FBXL13: variants seen among roughly 807,000 people sequenced by gnomAD.
FBXL13 encodes F-box and leucine-rich repeat protein 13.
In FBXL13, 67 loss-of-function variants were observed where a neutral mutation model predicts 83.6. The observed-to-expected ratio is 0.80, with a 90% confidence interval of 0.66 to 0.98. FBXL13 has a LOEUF of 0.98. FBXL13 is among the 50% of genes least tolerant of loss of function. The pLI, the probability that FBXL13 is intolerant of heterozygous loss-of-function variation, is 0.00. For synonymous variants in FBXL13, 272 were observed against 299.5 expected (o/e 0.91, Z 0.95); for missense variants, 822 against 866.5 (o/e 0.95, Z 0.64).
intron 16 of FBXL13, among the ~76,000 whole-genome samples, chr7:102,872,672 A>G (rs1808682538): frequency 6.6e-6 from 1 of 152,240 alleles, no homozygotes; most frequent in African/African-American, 2.4e-5. Flanking sequence ...TCCCACATAC[A>G]TGGAGATATA....
At chr7:102,999,925 A>G (rs1790214678) in intron 6 of FBXL13, among the ~76,000 whole-genome samples, 1 of 151,736 alleles carries the variant, frequency 6.6e-6, no homozygotes, top group Non-Finnish European at 1.5e-5. Flanking sequence ...CCTGTCTTTT[A>G]CTAATTTGGG....
intron 17 of FBXL13, among the ~76,000 whole-genome samples, chr7:102,836,761 A>AGAG (rs2129448495): frequency 6.6e-6 from 1 of 152,334 alleles, no homozygotes; most frequent in African/African-American, 2.4e-5. Context: ...TAGGGTACGT[A>AGAG]GAGGAGACTG....
Position 102,973,588 on chromosome 7 carries a change from A to G in FBXL13, c.496-5471T>C, listed in dbSNP as rs548810536. 13 of 765,710 alleles carry G rather than the reference A, an allele frequency of 1.7e-5. No individual in the cohort carries two copies. The East Asian group carries it at 2.9e-4, about 17-fold the overall frequency. The allele number at this position is 765,710 out of a possible 1,614,324, so 47.4% of individuals were successfully genotyped here. On this transcript the variant is annotated intron_variant, in intron 6 of 19. Transcript: ENST00000313221. Reference sequence around the variant, plus strand: ...CGTGTTGTCTGTTGGCACACTCTCAAGAGTTTGAACGGATACAAGAATCTT... The same window carrying G: ...CGTGTTGTCTGTTGGCACACTCTCAGGAGTTTGAACGGATACAAGAATCTT...
intron 1 of FBXL13, among the ~76,000 whole-genome samples, chr7:103,061,209 T>G (rs938626135): frequency 6.6e-6 from 1 of 151,964 alleles, no homozygotes; most frequent in East Asian, 1.9e-4. Flanking sequence ...TTTTGTTTTT[T>G]GTTAGACTTG....
chr7:103,009,378 G>A (rs572841408), intron 6 of FBXL13, among the ~76,000 whole-genome samples: 2 of 152,278 alleles, frequency 1.3e-5, no homozygotes, highest in Admixed American at 1.3e-4. Context: ...ATGAAGCTGG[G>A]GACCAGCCTG....
At chr7:102,811,236 T>A (rs1797415881), downstream of FBXL13, among the ~76,000 whole-genome samples, 1 of 152,202 alleles carries the variant, frequency 6.6e-6, no homozygotes, top group African/African-American at 2.4e-5. Context: ...CTAATGGAAT[T>A]GTACATATTT....
At chr7:103,040,627 G>T (rs936173102) in intron 2 of FBXL13, among the ~76,000 whole-genome samples, 3 of 152,010 alleles carry the variant, frequency 2.0e-5, no homozygotes, top group Admixed American at 6.6e-5. Context: ...AAACTGTCTC[G>T]CAGACCACAG....
intron 8 of FBXL13, among the ~76,000 whole-genome samples, chr7:102,955,695 G>A (rs1206275426): frequency 6.6e-6 from 1 of 151,642 alleles, no homozygotes; most frequent in Non-Finnish European, 1.5e-5. Flanking sequence ...AAATGATAAA[G>A]GGGATATCAC....
exon 14 of FBXL13, chr7:102,883,309 C>T: frequency 3.1e-6 from 5 of 1,610,864 alleles, no homozygotes; most frequent in South Asian, 2.2e-5. Flanking sequence ...CATTACCTTA[C>T]ACAATTTGCC....
In FBXL13 at chr7:103,059,997, A is replaced by G. The variant is rs114938495; in HGVS notation, c.-104-4250T>C. Reference sequence around the variant, plus strand: ...GTGTCTAGCACAAAATAGGCATTCAACAGATAATGATAGCAAGATATTTTA... The same window carrying G: ...GTGTCTAGCACAAAATAGGCATTCAGCAGATAATGATAGCAAGATATTTTA... On this transcript the variant is annotated intron_variant, in intron 1 of 19. Coordinates refer to ENST00000313221, the Ensembl canonical transcript of FBXL13. Among the ~76,000 whole-genome samples, 985 of 140,490 alleles carry G rather than the reference A, an allele frequency of 7.0e-3. 30 individuals are homozygous for G. The highest frequency in any genetic ancestry group is 0.025 in the African/African-American group (941 of 37,328). The allele number at this position is 140,490 out of a possible 152,430, so 92.2% of individuals were successfully genotyped here. A position where few individuals can be genotyped will look rare whatever the true frequency, so the allele number is the denominator to read the frequency against.
At chr7:102,890,008 G>C (rs1161608647) in intron 11 of FBXL13, among the ~76,000 whole-genome samples, 2 of 151,852 alleles carry the variant, frequency 1.3e-5, no homozygotes, top group Admixed American at 6.6e-5. Context: ...AGTGGGGGGT[G>C]GGGGGTAGGG....
At chr7:102,955,463 C>A (rs1269669090) in intron 8 of FBXL13, among the ~76,000 whole-genome samples, 2 of 151,926 alleles carry the variant, frequency 1.3e-5, no homozygotes, top group Admixed American at 6.6e-5. Context: ...GACACCCTAA[C>A]ATCACAATTA....
At chr7:102,992,179 C>T (rs1829646060) in intron 6 of FBXL13, among the ~76,000 whole-genome samples, 1 of 152,130 alleles carries the variant, frequency 6.6e-6, no homozygotes, top group Non-Finnish European at 1.5e-5. Context: ...AGAAAAAGAA[C>T]AGCTTTATAA....
chr7:102,906,177 T>C (rs1222588845), intron 11 of FBXL13, among the ~76,000 whole-genome samples: 15 of 152,188 alleles, frequency 9.9e-5, no homozygotes, highest in Admixed American at 9.8e-4. Flanking sequence ...ATGATTCAAT[T>C]ACCTCCCACA....
chr7:102,813,347 C>A, exon 20 of FBXL13: 2 of 1,605,434 alleles, frequency 1.2e-6, no homozygotes, highest in South Asian at 2.2e-5. Flanking sequence ...GAAGGTCACG[C>A]TGCTTGGTCT....
At position 102,983,421 on chromosome 7, in the gene FBXL13, C is replaced by CT. The variant is rs151066223; in HGVS notation, c.496-15305_496-15304insA. 3.2e-3 allele frequency among the ~76,000 whole-genome samples: 460 copies of CT among 145,472 alleles called. 8 individuals carry two copies. Among genetic ancestry groups the CT allele is most frequent in the African/African-American group, 0.011 (426 of 38,734 alleles). On this transcript the variant is annotated intron_variant, in intron 6 of 19. Coordinates refer to ENST00000313221, the Ensembl canonical transcript of FBXL13. ...AACCCATTCTGGTTTTCTTTTTTCCCCTTTTTTTTTTTTTTTTGAGTGGGG... is the reference window on the plus strand; with the variant it reads ...AACCCATTCTGGTTTTCTTTTTTCCCTCTTTTTTTTTTTTTTTTGAGTGGGG...
At position 102,986,728 on chromosome 7, in the gene FBXL13, T is replaced by G. The variant is rs539498801; in HGVS notation, c.496-18611A>C. Among the ~76,000 whole-genome samples the G allele has an allele frequency of 2.6e-5, 4 of 152,200 alleles. No individual in the cohort carries two copies. In the East Asian group the frequency reaches 7.7e-4, roughly 29 times the overall value. ...GGGGACATGCAGCAGATGGGCCGAT[T>G]GTAAAGGAATAAATATAACATTTAT... On this transcript the variant is annotated intron_variant, in intron 6 of 19. Coordinates refer to ENST00000313221, the Ensembl canonical transcript of FBXL13.
chr7:103,067,455 T>G (rs917276268), intron 1 of FBXL13, among the ~76,000 whole-genome samples: 1 of 152,220 alleles, frequency 6.6e-6, no homozygotes, highest in African/African-American at 2.4e-5. Flanking sequence ...ATAATCCACT[T>G]GTAATGAAGA....
At chr7:103,019,300 A>C (rs1378724944) in intron 6 of FBXL13, among the ~76,000 whole-genome samples, 1 of 152,234 alleles carries the variant, frequency 6.6e-6, no homozygotes, top group Non-Finnish European at 1.5e-5. Context: ...AACATACCGG[A>C]ATGTCTGGGA....
Sources: gnomAD v4.1 joint callset for allele counts (sites outside exome capture counted in the v4.1 genomes callset) on GRCh38, gnomAD v4.1.1 for gene constraint, MANE v1.5 for transcripts, NCBI Gene and HGNC (gene_info 2026-07-23, HGNC 2026-07-21) for gene names.